Variants in BTAF1 observed in about 807,000 individuals in gnomAD.
The protein encoded by BTAF1 is TATA-binding protein-associated factor 172.
In BTAF1, 38 loss-of-function variants were observed where a neutral mutation model predicts 227.1. That is an observed-to-expected ratio of 0.17 (90% CI 0.13 to 0.22). The LOEUF (loss-of-function observed/expected upper bound fraction) is 0.22, where lower values mean the gene tolerates loss of function less well. Ranked by LOEUF, BTAF1 falls within the 10% of genes least tolerant of loss-of-function variation. The pLI is 1.00. For missense variants in BTAF1, 1,598 were observed against 2,204.0 expected (o/e 0.73, Z 5.51); for synonymous variants, 742 against 751.9 (o/e 0.99, Z 0.21).
rs779161834 is a variant in BTAF1 at position 92,013,740 on chromosome 10, C to T, written c.4385C>T (p.Ala1462Val). 6.3e-5 allele frequency: 101 copies of T among 1,613,914 alleles called. No homozygotes were observed. The highest frequency in any genetic ancestry group is 8.4e-5 in the Non-Finnish European group (99 of 1,180,032). ...PGFLGTERQFAARYGKPILAS... is the reference protein window; with the variant it reads ...PGFLGTERQFVARYGKPILAS... ...TTTTTGGGTACTGAACGCCAGTTTG[C>T]TGCTCGATATGGTAAACCTATATTA... Residue 1462 changes from alanine (A) to valine (V), a missense_variant, in exon 31 of 38, where the codon GCT becomes GTT. Ala to Val is a moderately conservative substitution (Grantham distance 64, BLOSUM62 0). This residue lies in a region of BTAF1 where 184 missense variants were observed against 341.1 expected (regional missense o/e 0.54). Coordinates refer to ENST00000265990, the MANE Select transcript of BTAF1 (RefSeq NM_003972.3).
intron 9 of BTAF1, 47 bp from the exon 10 acceptor site, chr10:91,959,738 G>A (rs918049773): frequency 1.9e-5 from 7 of 371,100 alleles, no homozygotes; most frequent in African/African-American, 1.5e-4. Context: ...GTGTGTGTGT[G>A]TGTATATATA....
At chr10:91,972,413 C>T (rs1188699437) in intron 14 of BTAF1, among the ~76,000 whole-genome samples, 2 of 152,110 alleles carry the variant, frequency 1.3e-5, no homozygotes, top group African/African-American at 4.8e-5. Flanking sequence ...ATTTTAGCTC[C>T]GTTTCTTCCT....
intron 33 of BTAF1, 94 bp downstream of exon 33, chr10:92,016,559 A>T (rs550667203): frequency 2.8e-6 from 3 of 1,071,080 alleles, no homozygotes; most frequent in Non-Finnish European, 2.5e-6. Flanking sequence ...GCTCACTGCA[A>T]CCTCTGCCTC....
chr10:92,001,992 A>T (rs1849577668), intron 25 of BTAF1, among the ~76,000 whole-genome samples: 1 of 107,842 alleles, frequency 9.3e-6, no homozygotes, highest in Non-Finnish European at 2.1e-5. Context: ...ATATACACAC[A>T]CACACACACA....
chr10:91,989,233 A>G lies in BTAF1; in HGVS notation c.2507A>G (p.Gln836Arg). The stretch of plus-strand genomic sequence containing the variant: ...TTACAACAGTTAGATAGTAAACGAC[A>G]GCAGGTCCAAATGACAGTTACAGAG... The part of the protein sequence containing the change: ...QVLQQLDSKR[Q>R]QVQMTVTETN... The change falls in exon 20 of 38, where the codon CAG becomes CGG. Residue 836 changes from glutamine to arginine, a missense_variant. Gln to Arg is a conservative substitution (Grantham distance 43). Coordinates refer to ENST00000265990, the MANE Select transcript of BTAF1 (RefSeq NM_003972.3). The G allele has an allele frequency of 3.1e-6, 5 of 1,614,200 alleles. No individual in the cohort carries two copies. The highest frequency in any genetic ancestry group is 4.2e-6 in the Non-Finnish European group (5 of 1,180,028).
chr10:92,024,737 T>TTTGTTTTTTG lies in BTAF1; in HGVS notation c.4864-17_4864-16insGTTTTTTGTT, dbSNP rs763269337. On this transcript the variant is annotated intron_variant, in intron 34 of 37. Coordinates refer to ENST00000265990, the MANE Select transcript of BTAF1 (RefSeq NM_003972.3). ...TTTTATTGAACGCTTATGTAGTTTTTTTTTTTTTTCTTCCTAAGTTGCTGT... is the reference window on the plus strand; with the variant it reads ...TTTTATTGAACGCTTATGTAGTTTTTTTGTTTTTTGTTTTTTTTTCTTCCTAAGTTGCTGT... The TTTGTTTTTTG allele has an allele frequency of 4.6e-5, 73 of 1,570,630 alleles. 1 individual carries two copies. Among genetic ancestry groups the TTTGTTTTTTG allele is most frequent in the East Asian group, 4.5e-5 (2 of 44,698 alleles).
At chr10:91,976,788 G>A (rs1181908774) in intron 14 of BTAF1, among the ~76,000 whole-genome samples, 2 of 152,182 alleles carry the variant, frequency 1.3e-5, no homozygotes, top group Non-Finnish European at 2.9e-5. Context: ...AACTATTTAA[G>A]TGCCTGCTAT....
chr10:92,008,797 G>A, intron 26 of BTAF1, 32 bp from the exon 27 acceptor site: 1 of 1,521,500 alleles, frequency 6.6e-7, no homozygotes, highest in Admixed American at 2.2e-5. Flanking sequence ...AATTTATGAT[G>A]TATTCACATT....
chr10:91,996,349 C>T lies in BTAF1; in HGVS notation c.3310-20C>T. 6.2e-7 allele frequency: 1 copy of T among 1,603,074 alleles called. No individual in the cohort carries two copies. The highest frequency in any genetic ancestry group is 8.5e-7 in the Non-Finnish European group (1 of 1,171,252). On this transcript the variant is annotated intron_variant, in intron 23 of 37. Transcript: ENST00000265990. Reference sequence around the variant, plus strand: ...AGTATTTCCTAATAATTCTAATTGCCATTAACTTTTTGTTTTTAGTTGGTC... The same window carrying T: ...AGTATTTCCTAATAATTCTAATTGCTATTAACTTTTTGTTTTTAGTTGGTC...
intron 33 of BTAF1, among the ~76,000 whole-genome samples, chr10:92,018,002 G>T (rs2134150609): frequency 6.6e-6 from 1 of 152,284 alleles, no homozygotes; most frequent in Non-Finnish European, 1.5e-5. Context: ...ACTTGAGACA[G>T]TCCCCTTCCT....
intron 15 of BTAF1, 123 bp downstream of exon 15, chr10:91,980,681 G>A: frequency 1.4e-6 from 1 of 709,586 alleles, no homozygotes; most frequent in South Asian, 1.7e-5. Flanking sequence ...CTGGAGATCT[G>A]CATAATGAGA....
At chr10:92,028,307 G>A (rs1716069099) in intron 37 of BTAF1, among the ~76,000 whole-genome samples, 1 of 152,100 alleles carries the variant, frequency 6.6e-6, no homozygotes, top group Non-Finnish European at 1.5e-5. Context: ...TAGACAATTG[G>A]CAGAATTTGA....
rs1554864855 is a variant in BTAF1, at chr10:92,008,338, G to GA, written c.3813+63_3813+64insA. On this transcript the variant is annotated intron_variant, in intron 26 of 37. Coordinates refer to ENST00000265990, the MANE Select transcript of BTAF1 (RefSeq NM_003972.3). ...AACCTTGAAGCGTTGTGGGTTTGTT[G>GA]GGGGGGGCTTTTGTTTCTTTTTTGA... 19 of 1,328,432 alleles carry GA rather than the reference G, an allele frequency of 1.4e-5. No homozygotes were observed. In the African/African-American group the frequency reaches 3.8e-4, roughly 27 times the overall value. 82.3% of individuals were successfully genotyped at this position (1,328,432 alleles called of 1,614,324 possible).
At chr10:91,972,693 A>G (rs1045201963) in intron 14 of BTAF1, among the ~76,000 whole-genome samples, 1 of 152,188 alleles carries the variant, frequency 6.6e-6, no homozygotes, top group African/African-American at 2.4e-5. Context: ...GCTGTGTGCA[A>G]ACTCTTTGTG....
intron 4 of BTAF1, among the ~76,000 whole-genome samples, chr10:91,948,125 A>G (rs1048722092): frequency 5.3e-5 from 8 of 152,026 alleles, no homozygotes; most frequent in African/African-American, 1.9e-4. Context: ...CGTCATTTAC[A>G]TTAAGTATTT....
chr10:91,941,964 A>G (rs1031407575), intron 3 of BTAF1, among the ~76,000 whole-genome samples: 10 of 152,162 alleles, frequency 6.6e-5, no homozygotes, highest in Non-Finnish European at 1.0e-4. Flanking sequence ...TCTACTTACT[A>G]CACTTTTACT....
chr10:91,941,723 C>T (rs1845013555), intron 3 of BTAF1, among the ~76,000 whole-genome samples: 1 of 152,206 alleles, frequency 6.6e-6, no homozygotes, highest in Non-Finnish European at 1.5e-5. Context: ...CTGTAATAAA[C>T]TCATGCTGTT....
At chr10:92,000,552 T>G (rs1263719490) in intron 25 of BTAF1, among the ~76,000 whole-genome samples, 1 of 152,150 alleles carries the variant, frequency 6.6e-6, no homozygotes, top group Non-Finnish European at 1.5e-5. Context: ...TTTTCTTGGT[T>G]GTTTTTTGTT....
chr10:92,017,012 C>CT (rs1384406742), intron 33 of BTAF1, among the ~76,000 whole-genome samples: 1 of 152,038 alleles, frequency 6.6e-6, no homozygotes, highest in Non-Finnish European at 1.5e-5. Context: ...GAATCTTTTG[C>CT]TTTTTTATTC....
Sources: gnomAD v4.1 joint callset for allele counts (sites outside exome capture counted in the v4.1 genomes callset) on GRCh38, gnomAD v4.1.1 for gene constraint, gnomAD v4.1.1 regional missense constraint, MANE v1.5 for transcripts, NCBI Gene and HGNC (gene_info 2026-07-23, HGNC 2026-07-21) for gene names.